TLL1: variants seen among roughly 807,000 people sequenced by gnomAD.
The protein encoded by TLL1 is tolloid like 1, also known as tolloid-like protein 1.
Under a neutral mutation model 128.2 loss-of-function variants are expected in TLL1, and 49 were observed. The observed-to-expected ratio is 0.38, with a 90% CI of 0.30 to 0.48. The LOEUF (loss-of-function observed/expected upper bound fraction) is 0.48. Ranked by LOEUF, TLL1 falls within the 20% of genes least tolerant of loss-of-function variation. The pLI is 0.96. For missense variants in TLL1, 1,123 were observed against 1,242.0 expected (o/e 0.90, Z 1.44); for synonymous variants, 454 against 418.8 (o/e 1.08, Z -1.03).
chr4:165,980,892 GTAAAA>G, intron 1 of TLL1, among the ~76,000 whole-genome samples: 1 of 152,146 alleles, frequency 6.6e-6, no homozygotes, highest in South Asian at 2.1e-4. Context: ...CAATGTCTGA[GTAAAA>G]TAAAATGTTT....
Position 166,100,970 on chromosome 4 carries a change from A to T in TLL1, c.*94A>T, listed in dbSNP as rs1742260924. 1 of 1,504,276 alleles carries T rather than the reference A, an allele frequency of 6.6e-7. No individual in the cohort carries two copies. The highest frequency in any genetic ancestry group is 2.0e-5 in the Admixed American group (1 of 50,086). The allele number at this position is 1,504,276 out of a possible 1,614,324, so 93.2% of individuals were successfully genotyped here. A position where few individuals can be genotyped will look rare whatever the true frequency, so the allele number is the denominator to read the frequency against. On this transcript the variant is annotated 3_prime_UTR_variant, in exon 21 of 21. Transcript: ENST00000061240. ...GAAGATATTGGCACAAATGTTTTAT[A>T]CAAAGAGTTTGAACAAAAAATCCCT...
In TLL1 at chr4:166,043,159, C is replaced by T. The variant is rs1455740217; in HGVS notation, c.1379-115C>T. The T allele has an allele frequency of 1.1e-5, 16 of 1,402,002 alleles. No individual in the cohort carries two copies. In the Admixed American group the frequency reaches 2.7e-4, roughly 24 times the overall value. The allele number at this position is 1,402,002 out of a possible 1,614,324, so 86.8% of individuals were successfully genotyped here. Reference sequence around the variant, plus strand: ...ACCAGTCAACTTTGATTTTTATAGCCTGGTCTTTATGTACTGAGCTACAGG... The same window carrying T: ...ACCAGTCAACTTTGATTTTTATAGCTTGGTCTTTATGTACTGAGCTACAGG... On this transcript the variant is annotated intron_variant, in intron 11 of 20. Transcript: ENST00000061240.
chr4:166,032,594 T>C (rs1201880661), intron 9 of TLL1, among the ~76,000 whole-genome samples: 2 of 152,142 alleles, frequency 1.3e-5, no homozygotes, highest in African/African-American at 4.8e-5. Context: ...AAAATGGATT[T>C]TCTCAGTAAA....
intron 1 of TLL1, among the ~76,000 whole-genome samples, chr4:165,966,181 A>C (rs1399849274): frequency 5.0e-5 from 1 of 20,134 alleles, no homozygotes; most frequent in Non-Finnish European, 1.4e-4. Flanking sequence ...CCATCTCAAA[A>C]AAAAAAAAAA....
intron 1 of TLL1, among the ~76,000 whole-genome samples, chr4:165,905,853 G>C (rs554093358): frequency 6.6e-6 from 1 of 152,042 alleles, no homozygotes; most frequent in Non-Finnish European, 1.5e-5. Context: ...AAGCGTCATC[G>C]GTTGCTTTTC....
chr4:165,993,045 C>T (rs1200247176), intron 3 of TLL1, 161 bp downstream of exon 3: 6 of 604,868 alleles, frequency 9.9e-6, no homozygotes, highest in Middle Eastern at 4.2e-4. Context: ...CTGATCAAAG[C>T]CTTTTAGAAC....
chr4:166,071,751 A>G (rs1337650556), intron 16 of TLL1, among the ~76,000 whole-genome samples: 1 of 151,896 alleles, frequency 6.6e-6, no homozygotes, highest in South Asian at 2.1e-4. Flanking sequence ...AAGTTTGATG[A>G]CCTTTTGTAA....
chr4:166,000,306 G>T (rs933602060), intron 5 of TLL1, among the ~76,000 whole-genome samples: 2 of 152,110 alleles, frequency 1.3e-5, no homozygotes, highest in African/African-American at 4.8e-5. Context: ...CATATATGTA[G>T]TTATTTTCTT....
intron 1 of TLL1, among the ~76,000 whole-genome samples, chr4:165,918,927 G>C (rs1316471071): frequency 6.6e-6 from 1 of 152,152 alleles, no homozygotes. Flanking sequence ...TCTGTAAATA[G>C]AGTTCTTCTG....
intron 1 of TLL1, among the ~76,000 whole-genome samples, chr4:165,985,102 G>A (rs1736341834): frequency 6.6e-6 from 1 of 151,972 alleles, no homozygotes; most frequent in Admixed American, 6.6e-5. Context: ...AGGATATTAA[G>A]GTGAGCAATA....
At chr4:166,009,571 C>A (rs1737587881) in intron 7 of TLL1, among the ~76,000 whole-genome samples, 1 of 151,488 alleles carries the variant, frequency 6.6e-6, no homozygotes, top group South Asian at 2.1e-4. Flanking sequence ...TTGTTTATTA[C>A]TTATCTTATT....
intron 17 of TLL1, 143 bp downstream of exon 17, chr4:166,075,146 A>C (rs754383493): frequency 6.2e-5 from 73 of 1,174,272 alleles, no homozygotes; most frequent in Non-Finnish European, 8.8e-5. Context: ...AATTCTGTGT[A>C]ATGTCCAAAG....
At chr4:166,036,102 C>CT (rs1212069074) in intron 9 of TLL1, among the ~76,000 whole-genome samples, 5 of 152,052 alleles carry the variant, frequency 3.3e-5, no homozygotes, top group Non-Finnish European at 7.4e-5. Flanking sequence ...CGCTAATTGG[C>CT]TTTTTTTGTG....
chr4:166,074,344 A>G (rs1327388181), intron 16 of TLL1, among the ~76,000 whole-genome samples: 1 of 151,328 alleles, frequency 6.6e-6, no homozygotes, highest in Non-Finnish European at 1.5e-5. Context: ...GCATAACTGC[A>G]GAGTTAATGG....
chr4:165,975,574 T>C (rs1479309113), intron 1 of TLL1, among the ~76,000 whole-genome samples: 1 of 152,186 alleles, frequency 6.6e-6, no homozygotes, highest in Non-Finnish European at 1.5e-5. Context: ...TTTGATACTA[T>C]AACTGGACAA....
At chr4:165,944,302 G>T (rs1734145643) in intron 1 of TLL1, among the ~76,000 whole-genome samples, 3 of 152,140 alleles carry the variant, frequency 2.0e-5, no homozygotes, top group East Asian at 3.9e-4. Flanking sequence ...CTAACAAAGT[G>T]ATTAGCACAT....
At chr4:166,067,567 AG>A (rs1472666874) in intron 16 of TLL1, among the ~76,000 whole-genome samples, 1 of 151,760 alleles carries the variant, frequency 6.6e-6, no homozygotes, top group Non-Finnish European at 1.5e-5. Context: ...GTAGTACTTG[AG>A]CCAATAACAG....
Position 166,050,042 on chromosome 4 carries a change from T to C in TLL1, c.1525-5034T>C, listed in dbSNP as rs575045144. On this transcript the variant is annotated intron_variant, in intron 12 of 20. Transcript: ENST00000061240. Reference sequence around the variant, plus strand: ...TTGTAACAGTCATGAGAGCTATATTTGATTAAAGCAAAATATACATAACAT... The same window carrying C: ...TTGTAACAGTCATGAGAGCTATATTCGATTAAAGCAAAATATACATAACAT... 2.0e-5 allele frequency among the ~76,000 whole-genome samples: 3 copies of C among 152,298 alleles called. No individual in the cohort carries two copies. In the East Asian group the frequency reaches 5.8e-4, roughly 29 times the overall value.
rs998642444 is a variant in TLL1, at chr4:166,018,527, A to T, written c.1042+3967A>T. 2.6e-5 allele frequency among the ~76,000 whole-genome samples: 4 copies of T among 152,188 alleles called. No individual in the cohort carries two copies. In the East Asian group the frequency reaches 7.7e-4, roughly 29 times the overall value. On this transcript the variant is annotated intron_variant, in intron 8 of 20. Coordinates refer to ENST00000061240, the MANE Select transcript of TLL1 (RefSeq NM_012464.5). Reference sequence around the variant, plus strand: ...ACAAAGCAAACAGACAACCTACACAATGAGAGAGAATATCCACAAACTACA... The same window carrying T: ...ACAAAGCAAACAGACAACCTACACATTGAGAGAGAATATCCACAAACTACA...
Sources: allele counts gnomAD v4.1 joint callset (sites outside exome capture counted in the v4.1 genomes callset), GRCh38; gene constraint gnomAD v4.1.1; transcripts MANE v1.5; gene names NCBI Gene and HGNC (gene_info 2026-07-23, HGNC 2026-07-21).